MRPL34: variants seen among roughly 807,000 people sequenced by gnomAD.
The protein encoded by MRPL34 is large ribosomal subunit protein bL34m.
A neutral mutation model predicts 6.7 loss-of-function variants in MRPL34; 8 were observed. The observed-to-expected ratio is 1.20, with a 90% CI of 0.70 to 2.16. The LOEUF (loss-of-function observed/expected upper bound fraction) is 2.16, where lower values mean the gene tolerates loss of function less well. Ranked by LOEUF, MRPL34 falls within the 30% of genes most tolerant of loss-of-function variation. The pLI is 0.00. For missense variants in MRPL34, 146 were observed against 125.5 expected (o/e 1.16, Z -0.78); for synonymous variants, 59 against 55.1 (o/e 1.07, Z -0.31).
intron 1 of MRPL34, chr19:17,294,922 T>C (rs1323772597): frequency 1.0e-5 from 16 of 1,532,204 alleles, no homozygotes; most frequent in Non-Finnish European, 1.4e-5. Context: ...CATTTTGTTT[T>C]GCTTTGTTTT....
intron 1 of MRPL34, chr19:17,294,795 T>C: frequency 1.9e-6 from 3 of 1,614,206 alleles, no homozygotes; most frequent in Non-Finnish European, 2.5e-6. Context: ...CATGATCACC[T>C]TGTGCACTAG....
chr19:17,299,099 T>C (rs1315249548), upstream of MRPL34, among the ~76,000 whole-genome samples: 1 of 152,080 alleles, frequency 6.6e-6, no homozygotes, highest in East Asian at 1.9e-4. Flanking sequence ...GAAATCCCTG[T>C]CTGATTACAT....
chr19:17,306,401 G>A lies in MRPL34; in HGVS notation c.*22G>A. On this transcript the variant is annotated 3_prime_UTR_variant, in exon 2 of 2. Transcript: ENST00000252602. Reference sequence around the variant, plus strand: ...TTGAGGATCGCGACGCAGTCGGCGGGACCCTCATGGAAGCATCGCCCTCGC... The same window carrying A: ...TTGAGGATCGCGACGCAGTCGGCGGAACCCTCATGGAAGCATCGCCCTCGC... 6.4e-7 allele frequency: 1 copy of A among 1,554,110 alleles called. No individual in the cohort carries two copies. Among genetic ancestry groups the A allele is most frequent in the Non-Finnish European group, 8.7e-7 (1 of 1,150,928 alleles).
upstream of MRPL34, chr19:17,301,370 T>C: frequency 6.2e-7 from 1 of 1,610,982 alleles, no homozygotes; most frequent in Non-Finnish European, 8.5e-7. Context: ...CGGTACACGG[T>C]GATCCGGCGC....
chr19:17,294,188 A>T lies in MRPL34; in HGVS notation c.214+1334A>T, dbSNP rs575619651. On this transcript the variant is annotated intron_variant, in intron 1 of 2. Transcript: ENST00000595444. ...AGCCACGCCCCCTCGGGAAGAAAGC[A>T]CGCCCACCAAGCGCTACCACGCCCC... 1.4e-4 allele frequency: 196 copies of T among 1,402,832 alleles called. 1 individual carries two copies. Among genetic ancestry groups the T allele is most frequent in the Non-Finnish European group, 1.8e-4 (188 of 1,049,784 alleles). The allele number at this position is 1,402,832 out of a possible 1,614,324, so 86.9% of individuals were successfully genotyped here.
upstream of MRPL34, among the ~76,000 whole-genome samples, chr19:17,299,939 G>A (rs969758017): frequency 4.5e-4 from 66 of 147,030 alleles, no homozygotes; most frequent in Non-Finnish European, 7.6e-4. Context: ...TCCTTCTGTC[G>A]CCCAGGCTGG....
chr19:17,295,544 G>C (rs1434710111), intron 1 of MRPL34, among the ~76,000 whole-genome samples: 1 of 151,944 alleles, frequency 6.6e-6, no homozygotes, highest in Non-Finnish European at 1.5e-5. Context: ...GTAGCTGGGA[G>C]TACAGGCATG....
intron 1 of MRPL34, chr19:17,294,330 G>C: frequency 6.2e-7 from 1 of 1,611,620 alleles, no homozygotes; most frequent in Non-Finnish European, 8.5e-7. Context: ...CAAACTTATC[G>C]TGCATGCCGT....
chr19:17,293,098 CTTT>C (rs71334701), intron 1 of MRPL34, among the ~76,000 whole-genome samples: 7 of 135,994 alleles, frequency 5.1e-5, no homozygotes, highest in Non-Finnish European at 3.1e-5. Flanking sequence ...TCTTTTCTTT[CTTT>C]TTTTTTTTTT....
chr19:17,303,270 G>C (rs972102272), upstream of MRPL34: 2 of 152,304 alleles, frequency 1.3e-5, no homozygotes, highest in African/African-American at 4.8e-5. Context: ...GCCCGGGTCG[G>C]GGCGGAGGGG....
At chr19:17,300,047 G>C (rs185105275), upstream of MRPL34, among the ~76,000 whole-genome samples, 131 of 151,708 alleles carry the variant, frequency 8.6e-4, no homozygotes, top group Admixed American at 1.9e-3. Flanking sequence ...TGGGACTATA[G>C]GTGCCCACCA....
intron 1 of MRPL34, chr19:17,297,717 A>C (rs186436173): frequency 1.3e-5 from 2 of 149,010 alleles, no homozygotes; most frequent in Non-Finnish European, 3.0e-5. Context: ...TCTTTTAGAT[A>C]CTTATGTAAC....
chr19:17,301,162 C>T (rs2145659570), upstream of MRPL34: 1 of 1,610,580 alleles, frequency 6.2e-7, no homozygotes, highest in Non-Finnish European at 8.5e-7. Flanking sequence ...CTTGGGGCGC[C>T]TGGCTCGCCG....
rs564763374 is a variant in MRPL34, at chr19:17,306,498, A to G, written c.*119A>G. The stretch of plus-strand genomic sequence containing the variant: ...AACGCCTCGGACCTGAGTGCTCTCC[A>G]TATTGTGGGGTTGAAGTCTGGATGG... On this transcript the variant is annotated 3_prime_UTR_variant, in exon 2 of 2. Transcript: ENST00000252602. 3.3e-6 allele frequency: 3 copies of G among 921,564 alleles called. No homozygotes were observed. The highest frequency in any genetic ancestry group is 4.8e-6 in the Non-Finnish European group (3 of 630,550). The allele number at this position is 921,564 out of a possible 1,614,324, so 57.1% of individuals were successfully genotyped here.
chr19:17,296,851 T>C (rs932124660), intron 1 of MRPL34, among the ~76,000 whole-genome samples: 1 of 152,084 alleles, frequency 6.6e-6, no homozygotes. Flanking sequence ...TCTGCCATTA[T>C]GCCCGGCTAA....
chr19:17,296,508 C>T (rs2074094385), intron 1 of MRPL34: 1 of 152,214 alleles, frequency 6.6e-6, no homozygotes, highest in Admixed American at 6.6e-5. Context: ...GTTCTGCCAC[C>T]TGCCTCTGGG....
chr19:17,301,196 C>A (rs746198270), upstream of MRPL34: 21 of 1,602,656 alleles, frequency 1.3e-5, no homozygotes, highest in African/African-American at 2.7e-4. Context: ...CTGCCACTGC[C>A]GCTGCCGCTG....
At chr19:17,294,234 C>T (rs890653118) in intron 1 of MRPL34, 2 of 1,568,534 alleles carry the variant, frequency 1.3e-6, no homozygotes, top group African/African-American at 2.7e-5. Context: ...CACGCCCCTC[C>T]CGGGCAGCAC....
upstream of MRPL34, chr19:17,301,686 C>T: frequency 6.9e-7 from 1 of 1,455,380 alleles, no homozygotes; most frequent in African/African-American, 1.4e-5. Context: ...CACCGTGCAG[C>T]AGGCACTCCC....
Sources: gnomAD v4.1 joint callset for allele counts (sites outside exome capture counted in the v4.1 genomes callset) on GRCh38, gnomAD v4.1.1 for gene constraint, MANE v1.5 for transcripts, NCBI Gene and HGNC (gene_info 2026-07-23, HGNC 2026-07-21) for gene names.